Variants in CACNA1D observed in about 807,000 individuals in gnomAD.
The protein encoded by CACNA1D is calcium voltage-gated channel subunit alpha1 D.
Under a neutral mutation model 257.1 loss-of-function variants are expected in CACNA1D, and 55 were observed. The observed-to-expected ratio is 0.21, with a 90% CI of 0.17 to 0.27. The LOEUF is 0.27. Ranked by LOEUF, CACNA1D falls within the 10% of genes least tolerant of loss-of-function variation. The probability of loss-of-function intolerance (pLI) is 1.00; values close to 1 mark genes in which losing one functional copy is unlikely to be tolerated. For missense variants in CACNA1D, 1,876 were observed against 2,784.0 expected (o/e 0.67, Z 7.34); for synonymous variants, 980 against 1,014.9 (o/e 0.97, Z 0.65).
At chr3:53,650,704 C>T in intron 3 of CACNA1D, 75 bp from the exon 4 acceptor site, 1 of 1,470,372 alleles carries the variant, frequency 6.8e-7, no homozygotes, top group Non-Finnish European at 9.5e-7. Flanking sequence ...TGATTCTAAT[C>T]TCTGTTCCTT....
chr3:53,616,549 C>A (rs1489464085), intron 3 of CACNA1D, among the ~76,000 whole-genome samples: 2 of 152,212 alleles, frequency 1.3e-5, no homozygotes, highest in African/African-American at 4.8e-5. Context: ...CTGCTTTCTT[C>A]CGTCTTCTTC....
At chr3:53,735,899 A>C (rs572081560) in intron 20 of CACNA1D, among the ~76,000 whole-genome samples, 1 of 152,314 alleles carries the variant, frequency 6.6e-6, no homozygotes, top group South Asian at 2.1e-4. Context: ...CAAACCAGGC[A>C]CACCACATGC....
At chr3:53,668,129 A>G (rs1576293875) in intron 7 of CACNA1D, among the ~76,000 whole-genome samples, 1 of 152,312 alleles carries the variant, frequency 6.6e-6, no homozygotes, top group Non-Finnish European at 1.5e-5. Flanking sequence ...CAAACAGTAC[A>G]TAAAACAACA....
chr3:53,583,266 G>A (rs2093161420), intron 3 of CACNA1D, among the ~76,000 whole-genome samples: 1 of 151,968 alleles, frequency 6.6e-6, no homozygotes, highest in African/African-American at 2.4e-5. Context: ...GGATCCTAAG[G>A]CTGACTTTAT....
At chr3:53,733,993 CATATACAT>C (rs1194361980) in intron 19 of CACNA1D, among the ~76,000 whole-genome samples, 2,357 of 114,114 alleles carry the variant, frequency 0.021, 35 homozygotes, top group Middle Eastern at 0.052. Context: ...TATACATATA[CATATACAT>C]ATATATATGT....
chr3:53,541,340 A>G (rs1216576276), intron 3 of CACNA1D, among the ~76,000 whole-genome samples: 1 of 152,238 alleles, frequency 6.6e-6, no homozygotes, highest in Non-Finnish European at 1.5e-5. Flanking sequence ...ACCTGTATTA[A>G]TGACAATATG....
At chr3:53,650,988 T>A in intron 4 of CACNA1D, 70 bp downstream of exon 4, 122 of 1,189,658 alleles carry the variant, frequency 1.0e-4, no homozygotes, top group Middle Eastern at 1.9e-4. Context: ...GGGGTGGTGG[T>A]AACAAAACAG....
chr3:53,733,278 G>C (rs984184900), intron 19 of CACNA1D, among the ~76,000 whole-genome samples: 3 of 152,220 alleles, frequency 2.0e-5, no homozygotes, highest in Non-Finnish European at 4.4e-5. Context: ...GTCCACCCCA[G>C]CATATTCCAG....
rs543579939 is a variant in CACNA1D, at chr3:53,793,110, C to A, written c.4923+6158C>A. Reference sequence around the variant, plus strand: ...CTGCACCTGGTATCAACCGCTGTTACCCTAGCACCTGAGTCTCCTTCCCCA... The same window carrying A: ...CTGCACCTGGTATCAACCGCTGTTAACCTAGCACCTGAGTCTCCTTCCCCA... On this transcript the variant is annotated intron_variant, in intron 40 of 47. Transcript: ENST00000350061. This position sits in a 1 kb window ranked among gnomAD's most constrained non-coding sequence, Gnocchi z 4.1. Among the ~76,000 whole-genome samples, 1 of 152,296 alleles carries A rather than the reference C, an allele frequency of 6.6e-6. No homozygotes were observed. The highest frequency in any genetic ancestry group is 2.1e-4 in the South Asian group (1 of 4,826).
chr3:53,584,520 A>G (rs1378444350), intron 3 of CACNA1D, among the ~76,000 whole-genome samples: 2 of 152,162 alleles, frequency 1.3e-5, no homozygotes, highest in Admixed American at 1.3e-4. Context: ...CTGTCTGTCC[A>G]TCCATCCCTC....
At chr3:53,499,236 G>A (rs1367259880) in intron 2 of CACNA1D, among the ~76,000 whole-genome samples, 2 of 152,182 alleles carry the variant, frequency 1.3e-5, no homozygotes, top group South Asian at 2.1e-4. Context: ...ATTAGGGGAC[G>A]TGGCTGCCAA....
At chr3:53,515,131 C>T (rs1285324804) in intron 3 of CACNA1D, among the ~76,000 whole-genome samples, 1 of 152,166 alleles carries the variant, frequency 6.6e-6, no homozygotes, top group Non-Finnish European at 1.5e-5. Flanking sequence ...AAGCCTGCCT[C>T]TACATGGTGG....
At chr3:53,627,945 G>A (rs2093778493) in intron 3 of CACNA1D, among the ~76,000 whole-genome samples, 1 of 152,020 alleles carries the variant, frequency 6.6e-6, no homozygotes, top group African/African-American at 2.4e-5. Context: ...CTTGAACCTG[G>A]GAGGCGGAGG....
intron 5 of CACNA1D, 91 bp from the exon 6 acceptor site, chr3:53,665,569 C>G (rs2108361867): frequency 1.0e-6 from 1 of 969,288 alleles, no homozygotes; most frequent in Admixed American, 1.8e-5. Flanking sequence ...ACTATGTGTT[C>G]TAAGTAAAGG....
At chr3:53,498,728 C>T (rs3774414) in intron 2 of CACNA1D, among the ~76,000 whole-genome samples, 51,776 of 152,032 alleles carry the variant, frequency 0.34, 9,124 homozygotes, top group Admixed American at 0.43. Flanking sequence ...CTGTCTTTAG[C>T]TGGCTATTTT....
intron 3 of CACNA1D, among the ~76,000 whole-genome samples, chr3:53,612,087 T>C (rs1255256591): frequency 6.6e-6 from 1 of 152,240 alleles, no homozygotes; most frequent in Non-Finnish European, 1.5e-5. Flanking sequence ...TGATATTTCC[T>C]CTTTCATTAT....
intron 3 of CACNA1D, among the ~76,000 whole-genome samples, chr3:53,591,693 A>C (rs1220341915): frequency 6.6e-6 from 1 of 152,250 alleles, no homozygotes; most frequent in Non-Finnish European, 1.5e-5. Flanking sequence ...AAGATTATAA[A>C]CTACAGTATC....
intron 37 of CACNA1D, among the ~76,000 whole-genome samples, chr3:53,778,033 AC>A (rs1408972383): frequency 1.3e-5 from 2 of 152,156 alleles, no homozygotes; most frequent in Non-Finnish European, 2.9e-5. Flanking sequence ...CTAGACAGAA[AC>A]CAAGGTAGCA....
chr3:53,651,209 C>T (rs2094088648), intron 4 of CACNA1D, among the ~76,000 whole-genome samples: 1 of 151,998 alleles, frequency 6.6e-6, no homozygotes, highest in Non-Finnish European at 1.5e-5. Flanking sequence ...CTTGGATCTC[C>T]AGAAATAGAC....
Sources: allele counts gnomAD v4.1 joint callset (sites outside exome capture counted in the v4.1 genomes callset), GRCh38; gene constraint gnomAD v4.1.1; non-coding constraint Gnocchi (gnomAD v3.1); transcripts MANE v1.5; gene names NCBI Gene and HGNC (gene_info 2026-07-23, HGNC 2026-07-21).